HPS5: variants seen among roughly 807,000 people sequenced by gnomAD.
HPS5 encodes BLOC-2 complex member HPS5.
A neutral mutation model predicts 128.0 loss-of-function variants in HPS5; 83 were observed. That is an observed-to-expected ratio of 0.65 (90% CI 0.54 to 0.78). HPS5 has a LOEUF of 0.78. Among genes scored for constraint, HPS5 ranks in the 30% least tolerant of loss-of-function variants. HPS5 has a pLI of 0.00. For missense variants in HPS5, 1,281 were observed against 1,326.2 expected (o/e 0.97, Z 0.53); for synonymous variants, 475 against 470.2 (o/e 1.01, Z -0.13).
At chr11:18,288,159 G>C (rs573311303) in intron 16 of HPS5, 146 bp from the exon 17 acceptor site, 20 of 761,518 alleles carry the variant, frequency 2.6e-5, no homozygotes, top group South Asian at 2.3e-4. Context: ...CATTACAAGA[G>C]AAACAAATAA....
At chr11:18,280,961 A>G (rs1169287543) in intron 22 of HPS5, among the ~76,000 whole-genome samples, 1 of 152,198 alleles carries the variant, frequency 6.6e-6, no homozygotes, top group Non-Finnish European at 1.5e-5. Flanking sequence ...ACTGGATGCA[A>G]AACAATATGA....
chr11:18,279,600 G>C lies in HPS5; in HGVS notation c.*282C>G. 6.2e-6 allele frequency: 3 copies of C among 481,342 alleles called. No homozygotes were observed. Among genetic ancestry groups the C allele is most frequent in the Non-Finnish European group, 7.6e-6 (2 of 264,550 alleles). 29.8% of individuals were successfully genotyped at this position (481,342 alleles called of 1,614,324 possible). A position where few individuals can be genotyped will look rare whatever the true frequency, so the allele number is the denominator to read the frequency against. ...ATACTGTAGTTCGGAATAATACTAGGACATTAACATTCTAATTCCAGCAAA... is the reference window on the plus strand; with the variant it reads ...ATACTGTAGTTCGGAATAATACTAGCACATTAACATTCTAATTCCAGCAAA... On this transcript the variant is annotated 3_prime_UTR_variant, in exon 23 of 23. Transcript: ENST00000349215.
intron 10 of HPS5, 114 bp from the exon 11 acceptor site, chr11:18,297,831 G>C: frequency 9.7e-7 from 1 of 1,032,592 alleles, no homozygotes; most frequent in Non-Finnish European, 1.5e-6. Context: ...TGTAATCCCA[G>C]CACTCTGGGA....
In HPS5 at chr11:18,311,942, C is replaced by A. The variant is rs747733616; in HGVS notation, c.191G>T (p.Trp64Leu). ...GTGTGAAAGAAAAAGCCTGTGCTTC[C>A]AGCCTTCTTTCTGAATGAGATGGAG... ...GGLHLIQKEG[W>L]KHRLFLSHRE... Residue 64 changes from tryptophan (W) to leucine (L), a missense_variant, in exon 3 of 23, where the codon TGG becomes TTG. Trp to Leu is a moderately conservative substitution (Grantham distance 61). Coordinates refer to ENST00000349215, the MANE Select transcript of HPS5 (RefSeq NM_181507.2). 16 of 1,613,596 alleles carry A rather than the reference C, an allele frequency of 9.9e-6. No individual in the cohort carries two copies. The highest frequency in any genetic ancestry group is 3.3e-4 in the Middle Eastern group (2 of 6,082).
At chr11:18,299,919 A>G (rs1233555828) in intron 9 of HPS5, among the ~76,000 whole-genome samples, 1 of 152,234 alleles carries the variant, frequency 6.6e-6, no homozygotes, top group Non-Finnish European at 1.5e-5. Flanking sequence ...GAAGCTAGAA[A>G]AATGTGATCT....
chr11:18,318,547 A>G (rs918842150), intron 1 of HPS5, among the ~76,000 whole-genome samples: 3 of 152,262 alleles, frequency 2.0e-5, no homozygotes, highest in African/African-American at 4.8e-5. Context: ...ATACAAGGTA[A>G]CAAATGCCAA....
intron 8 of HPS5, among the ~76,000 whole-genome samples, chr11:18,301,378 G>A (rs1490060737): frequency 4.0e-5 from 6 of 150,762 alleles, no homozygotes; most frequent in Admixed American, 1.3e-4. Flanking sequence ...ATCACTTACA[G>A]GGAGGCGGAG....
intron 17 of HPS5, 57 bp from the exon 18 acceptor site, chr11:18,287,747 G>C: frequency 1.9e-6 from 3 of 1,601,984 alleles, no homozygotes. Flanking sequence ...ATATAACTTG[G>C]TTACATTTAG....
intron 20 of HPS5, 74 bp from the exon 21 acceptor site, chr11:18,283,975 T>C (rs1859365988): frequency 1.4e-5 from 13 of 941,184 alleles, no homozygotes; most frequent in South Asian, 9.1e-5. Context: ...CCCAAAACAG[T>C]AGACACAGTC....
rs1860436232 is a variant in HPS5, at chr11:18,291,793, C to T, written c.2089G>A (p.Gly697Ser). The change falls in exon 16 of 23, where the codon GGC becomes AGC. Residue 697 changes from glycine to serine, a missense_variant. Coordinates refer to ENST00000349215, the MANE Select transcript of HPS5 (RefSeq NM_181507.2). Reference protein sequence around the residue: ...DNEKEKRDSLGNEESVDKTAC... With the variant: ...DNEKEKRDSLSNEESVDKTAC... ...GTTTTATCAACAGATTCTTCATTGC[C>T]TAAAGAGTCCCTTTTTTCTTTTTCA... 3.7e-6 allele frequency: 6 copies of T among 1,613,626 alleles called. No homozygotes were observed. Among genetic ancestry groups the T allele is most frequent in the Non-Finnish European group, 4.2e-6 (5 of 1,179,776 alleles).
intron 6 of HPS5, among the ~76,000 whole-genome samples, chr11:18,307,696 A>G (rs553844250): frequency 3.8e-4 from 57 of 151,922 alleles, no homozygotes; most frequent in South Asian, 8.3e-4. Flanking sequence ...AGTCATATCT[A>G]TCACTTTGGC....
rs76819296 is a variant in HPS5 at position 18,297,676 on chromosome 11, T to C, written c.1206A>G (p.Lys402=). The C allele has an allele frequency of 1.9e-6, 3 of 1,614,126 alleles. No homozygotes were observed. The highest frequency in any genetic ancestry group is 2.5e-6 in the Non-Finnish European group (3 of 1,179,956). Residue 402 remains lysine (K), a synonymous_variant, in exon 11 of 23, where the codon AAA becomes AAG. Coordinates refer to ENST00000349215, the MANE Select transcript of HPS5 (RefSeq NM_181507.2). ...TLTADKLEHL[K]SQLDHGTYND... is the part of the protein sequence containing the mutation. ...TGTAGGTGCCATGGTCCAGCTGAGA[T>C]TTCAAATGCTCCAATTTATCTGCAG...
chr11:18,286,994 C>T lies in HPS5; in HGVS notation c.2718-284G>A, dbSNP rs1405190476. 3 of 597,200 alleles carry T rather than the reference C, an allele frequency of 5.0e-6. No homozygotes were observed. In the Admixed American group the frequency reaches 9.4e-5, roughly 19 times the overall value. The allele number at this position is 597,200 out of a possible 1,614,324, so 37.0% of individuals were successfully genotyped here. The stretch of plus-strand genomic sequence containing the variant: ...GGCCAGAGTAGGAAGATCACTGAGG[C>T]CATAAGTTTGAGGCTGTAGTATGCT... On this transcript the variant is annotated intron_variant, in intron 18 of 22. Coordinates refer to ENST00000349215, the MANE Select transcript of HPS5 (RefSeq NM_181507.2).
chr11:18,315,154 T>C (rs530636713), intron 2 of HPS5, among the ~76,000 whole-genome samples: 15 of 152,286 alleles, frequency 9.8e-5, no homozygotes, highest in African/African-American at 3.1e-4. Context: ...AAGGGGTTAT[T>C]GGGGCTCAGC....
At chr11:18,313,703 T>C (rs1444300811) in intron 2 of HPS5, among the ~76,000 whole-genome samples, 2 of 151,134 alleles carry the variant, frequency 1.3e-5, no homozygotes, top group East Asian at 2.0e-4. Flanking sequence ...ATCACGAGGT[T>C]AGGAGATCGA....
intron 14 of HPS5, among the ~76,000 whole-genome samples, chr11:18,293,243 A>ACTGCAAG (rs1222873218): frequency 6.6e-6 from 1 of 151,792 alleles, no homozygotes; most frequent in African/African-American, 2.4e-5. Flanking sequence ...ATCTCCGCTC[A>ACTGCAAG]CTGCAAGCTC....
At chr11:18,316,127 T>C (rs1300863146) in intron 2 of HPS5, among the ~76,000 whole-genome samples, 1 of 152,052 alleles carries the variant, frequency 6.6e-6, no homozygotes, top group Non-Finnish European at 1.5e-5. Context: ...AGACCCCATC[T>C]CTACAAAAAC....
At chr11:18,316,678 G>A (rs1863662241) in intron 2 of HPS5, among the ~76,000 whole-genome samples, 1 of 152,262 alleles carries the variant, frequency 6.6e-6, no homozygotes, top group South Asian at 2.1e-4. Context: ...GGCCAAGGTT[G>A]AGGATGCAGC....
At position 18,294,831 on chromosome 11, in the gene HPS5, TA is replaced by T. The variant is rs202244956; in HGVS notation, c.1784+188del. ...ACATTAACAATAGCTGATGAGCTAT[TA>T]AAAAAAAAAATCACAAAAAAACTCA... is the stretch of plus-strand genomic sequence containing the variant. On this transcript the variant is annotated intron_variant, in intron 14 of 22. Transcript: ENST00000349215. 9.8e-4 allele frequency among the ~76,000 whole-genome samples: 145 copies of T among 148,174 alleles called. 1 individual carries two copies. The highest frequency in any genetic ancestry group is 7.0e-3 in the Middle Eastern group (2 of 284).
Sources: gnomAD v4.1 joint callset for allele counts (sites outside exome capture counted in the v4.1 genomes callset) on GRCh38, gnomAD v4.1.1 for gene constraint, MANE v1.5 for transcripts, NCBI Gene and HGNC (gene_info 2026-07-23, HGNC 2026-07-21) for gene names.